SUPT3H: variants seen among roughly 807,000 people sequenced by gnomAD.
The protein encoded by SUPT3H is transcription initiation protein SPT3 homolog.
Under a neutral mutation model 44.3 loss-of-function variants are expected in SUPT3H, and 44 were observed. The observed-to-expected ratio is 0.99, with a 90% CI of 0.78 to 1.28. The LOEUF (loss-of-function observed/expected upper bound fraction) is 1.28. Ranked by LOEUF, SUPT3H falls within the 50% of genes most tolerant of loss-of-function variation. SUPT3H has a pLI of 0.00. For synonymous variants in SUPT3H, 124 were observed against 125.6 expected (o/e 0.99, Z 0.09); for missense variants, 380 against 387.1 (o/e 0.98, Z 0.15).
intron 10 of SUPT3H, among the ~76,000 whole-genome samples, chr6:44,887,907 A>G (rs1291643501): frequency 6.6e-6 from 1 of 152,090 alleles, no homozygotes; most frequent in Non-Finnish European, 1.5e-5. Flanking sequence ...GAAGAACCAA[A>G]TAGAGGCAAT....
rs764343775 is a variant in SUPT3H at position 44,829,774 on chromosome 6, C to G, written c.*42G>C. On this transcript the variant is annotated 3_prime_UTR_variant, in exon 11 of 11. Coordinates refer to ENST00000371459, the MANE Select transcript of SUPT3H (RefSeq NM_003599.4). ...TTCACAAGAAATCACCTTAATATAA[C>G]ATTGCCTTTCCTGTTGTTGCAGGCA... 8 of 1,602,946 alleles carry G rather than the reference C, an allele frequency of 5.0e-6. No homozygotes were observed. Among genetic ancestry groups the G allele is most frequent in the Admixed American group, 1.7e-5 (1 of 58,824 alleles).
At chr6:45,325,984 C>T (rs1451109631) in intron 2 of SUPT3H, among the ~76,000 whole-genome samples, 2 of 151,842 alleles carry the variant, frequency 1.3e-5, no homozygotes, top group Admixed American at 6.6e-5. Context: ...ATAGGCCTCA[C>T]AGAGGACAAA....
At chr6:45,022,476 T>C (rs1785299406) in intron 3 of SUPT3H, among the ~76,000 whole-genome samples, 2 of 151,728 alleles carry the variant, frequency 1.3e-5, no homozygotes. Context: ...ATCTGGAATT[T>C]ATATCATGGT....
intron 2 of SUPT3H, among the ~76,000 whole-genome samples, chr6:45,226,953 T>G (rs111452923): frequency 1.3e-5 from 2 of 151,846 alleles, no homozygotes; most frequent in African/African-American, 4.8e-5. Flanking sequence ...GCTACGATCA[T>G]GCCACTGCAC....
intron 3 of SUPT3H, among the ~76,000 whole-genome samples, chr6:45,048,131 T>C (rs180796304): frequency 6.6e-6 from 1 of 152,150 alleles, no homozygotes; most frequent in Admixed American, 6.5e-5. Context: ...TTTCTTACTA[T>C]TGAGTTCCTT....
At position 45,048,707 on chromosome 6, in the gene SUPT3H, C is replaced by T. The variant is rs574722993; in HGVS notation, c.187-28075G>A. 3.3e-5 allele frequency among the ~76,000 whole-genome samples: 5 copies of T among 152,148 alleles called. No individual in the cohort carries two copies. In the East Asian group the frequency reaches 9.6e-4, roughly 29 times the overall value. On this transcript the variant is annotated intron_variant, in intron 3 of 10. Coordinates refer to ENST00000371459, the MANE Select transcript of SUPT3H (RefSeq NM_003599.4). Reference sequence around the variant, plus strand: ...TATATACAATGGATTGTTATTCAGCCTTAAAAAGGTAGGAAGTTCTGTCAT... The same window carrying T: ...TATATACAATGGATTGTTATTCAGCTTTAAAAAGGTAGGAAGTTCTGTCAT...
intron 2 of SUPT3H, among the ~76,000 whole-genome samples, chr6:45,345,014 A>C (rs1790562308): frequency 6.6e-6 from 1 of 152,164 alleles, no homozygotes. Flanking sequence ...AATTTAGCAA[A>C]CTGATTTATG....
Position 45,072,315 on chromosome 6 carries a change from A to G in SUPT3H, c.186+33607T>C, listed in dbSNP as rs1013282962. 9.2e-5 allele frequency among the ~76,000 whole-genome samples: 14 copies of G among 152,332 alleles called. No homozygotes were observed. The East Asian group carries it at 2.7e-3, about 29-fold the overall frequency. On this transcript the variant is annotated intron_variant, in intron 3 of 10. Transcript: ENST00000371459. ...GGGTTAAGAAAAAAAAGACACAATG[A>G]AAATTAAACTGATAAAATGTTTTCT... is the stretch of plus-strand genomic sequence containing the variant.
chr6:45,033,142 A>G (rs186109672), intron 3 of SUPT3H, among the ~76,000 whole-genome samples: 2 of 152,220 alleles, frequency 1.3e-5, no homozygotes, highest in Middle Eastern at 3.4e-3. Flanking sequence ...AAGTAAGGGG[A>G]AAAAAACAGA....
In SUPT3H at chr6:45,263,563, G is replaced by A. The variant is rs1005914577; in HGVS notation, c.101+101638C>T. Among the ~76,000 whole-genome samples, 5 of 151,992 alleles carry A rather than the reference G, an allele frequency of 3.3e-5. No individual in the cohort carries two copies. In the South Asian group the frequency reaches 6.2e-4, roughly 19 times the overall value. On this transcript the variant is annotated intron_variant, in intron 2 of 10. Coordinates refer to ENST00000371459, the MANE Select transcript of SUPT3H (RefSeq NM_003599.4). ...TACTACCTGGGTGATGAGATAATTC[G>A]TACACCAAACCTCAGTAACATGCAA...
At chr6:45,188,000 T>C (rs1584137647) in intron 2 of SUPT3H, among the ~76,000 whole-genome samples, 1 of 152,198 alleles carries the variant, frequency 6.6e-6, no homozygotes, top group Non-Finnish European at 1.5e-5. Flanking sequence ...CATGATGAAA[T>C]CTCACTCTGG....
chr6:44,823,016 G>A (rs541362823), downstream of SUPT3H, among the ~76,000 whole-genome samples: 102 of 151,616 alleles, frequency 6.7e-4, no homozygotes, highest in Admixed American at 1.3e-3. Context: ...TACTCTGGAG[G>A]CTGAGGCAGG....
chr6:44,901,826 C>T (rs1397206853), intron 10 of SUPT3H, among the ~76,000 whole-genome samples: 1 of 152,226 alleles, frequency 6.6e-6, no homozygotes, highest in East Asian at 1.9e-4. Flanking sequence ...GCTGATCTCT[C>T]ACCAGAAACT....
At chr6:45,242,140 C>T (rs890371042) in intron 2 of SUPT3H, among the ~76,000 whole-genome samples, 4 of 152,136 alleles carry the variant, frequency 2.6e-5, no homozygotes, top group African/African-American at 9.7e-5. Flanking sequence ...AAATAACTGG[C>T]CTCACACAAC....
chr6:45,301,885 A>G (rs548130145), intron 2 of SUPT3H, among the ~76,000 whole-genome samples: 1 of 152,124 alleles, frequency 6.6e-6, no homozygotes, highest in East Asian at 1.9e-4. Context: ...TTGATTTGTT[A>G]AAGTTTATGG....
intron 10 of SUPT3H, among the ~76,000 whole-genome samples, chr6:44,867,420 A>G (rs1332202131): frequency 2.0e-5 from 3 of 152,156 alleles, no homozygotes; most frequent in Admixed American, 6.5e-5. Flanking sequence ...AATAAAATTC[A>G]TGTCACAATA....
chr6:45,300,603 A>G (rs1584793558), intron 2 of SUPT3H, among the ~76,000 whole-genome samples: 2 of 152,322 alleles, frequency 1.3e-5, no homozygotes, highest in East Asian at 3.9e-4. Context: ...GCTGGAAGAT[A>G]GGAAGCGACG....
At position 44,838,889 on chromosome 6, in the gene SUPT3H, T is replaced by C. The variant is rs141552650; in HGVS notation, c.913-9032A>G. ...GAGACACTGTGAACATACTTTTACCTTGTACATATTACACATCTATATTTC... is the reference window on the plus strand; with the variant it reads ...GAGACACTGTGAACATACTTTTACCCTGTACATATTACACATCTATATTTC... On this transcript the variant is annotated intron_variant, in intron 10 of 10. Transcript: ENST00000371459. Among the ~76,000 whole-genome samples the C allele has an allele frequency of 1.8e-4, 28 of 152,372 alleles. No homozygotes were observed. The East Asian group carries it at 5.4e-3, about 29-fold the overall frequency.
rs7349856 is a variant in SUPT3H at position 45,071,508 on chromosome 6, G to A, written c.186+34414C>T. Among the ~76,000 whole-genome samples the A allele has an allele frequency of 7.8e-3, 1,183 of 152,160 alleles. 11 individuals carry two copies. The highest frequency in any genetic ancestry group is 0.011 in the Non-Finnish European group (758 of 68,000). On this transcript the variant is annotated intron_variant, in intron 3 of 10. Coordinates refer to ENST00000371459, the MANE Select transcript of SUPT3H (RefSeq NM_003599.4). Reference sequence around the variant, plus strand: ...GCCAGAAAAGGGTAAAAGAGAATCAGTTGTCTTAGCCTGATACCCAATGCA... The same window carrying A: ...GCCAGAAAAGGGTAAAAGAGAATCAATTGTCTTAGCCTGATACCCAATGCA...
Sources: allele counts gnomAD v4.1 joint callset (sites outside exome capture counted in the v4.1 genomes callset), GRCh38; gene constraint gnomAD v4.1.1; transcripts MANE v1.5; gene names NCBI Gene and HGNC (gene_info 2026-07-23, HGNC 2026-07-21).